The following ANKRD18A variants were observed in gnomAD, a reference collection of about 807,000 sequenced individuals.
The protein encoded by ANKRD18A is ankyrin repeat domain 18A.
ANKRD18A carries 72 observed loss-of-function variants against 110.6 expected under a neutral mutation model. The ratio of observed to expected loss-of-function variants is 0.65; its 90% confidence interval spans 0.54 to 0.79. The LOEUF is 0.79. Ranked by LOEUF, ANKRD18A falls within the 30% of genes least tolerant of loss-of-function variation. ANKRD18A has a pLI of 0.00. For synonymous variants in ANKRD18A, 305 were observed against 410.3 expected (o/e 0.74, Z 3.10); for missense variants, 934 against 1,163.3 (o/e 0.80, Z 2.87).
At chr9:38,576,133 TG>T (rs1462538115) in intron 14 of ANKRD18A, among the ~76,000 whole-genome samples, 5 of 152,248 alleles carry the variant, frequency 3.3e-5, no homozygotes, top group Non-Finnish European at 7.3e-5. Context: ...GAAAACATCA[TG>T]TTGTACTCCT....
chr9:38,571,375 T>A lies in ANKRD18A; in HGVS notation c.*670A>T, dbSNP rs547698016. The A allele has an allele frequency of 1.5e-5, 11 of 732,082 alleles. No homozygotes were observed. The highest frequency in any genetic ancestry group is 2.1e-5 in the Non-Finnish European group (11 of 516,116). 45.3% of individuals were successfully genotyped at this position (732,082 alleles called of 1,614,324 possible). A position where few individuals can be genotyped will look rare whatever the true frequency, so the allele number is the denominator to read the frequency against. ...TCATGAGCTTTCCCTTCTCCTTTATTTATTGGTTTTATTTCTCCATGTAGA... is the reference window on the plus strand; with the variant it reads ...TCATGAGCTTTCCCTTCTCCTTTATATATTGGTTTTATTTCTCCATGTAGA... On this transcript the variant is annotated 3_prime_UTR_variant, in exon 16 of 16. Transcript: ENST00000399703.
At chr9:38,587,088 A>G (rs1398165308) in intron 11 of ANKRD18A, among the ~76,000 whole-genome samples, 1 of 152,216 alleles carries the variant, frequency 6.6e-6, no homozygotes, top group Non-Finnish European at 1.5e-5. Context: ...CAAGGACATT[A>G]TTCAATGTAG....
At chr9:38,605,624 G>T (rs1190429521) in intron 6 of ANKRD18A, among the ~76,000 whole-genome samples, 1 of 151,676 alleles carries the variant, frequency 6.6e-6, no homozygotes, top group Non-Finnish European at 1.5e-5. Context: ...ACAGAGTATG[G>T]TTTTTTTTGA....
chr9:38,572,093 C>CGTTTTAGG, intron 15 of ANKRD18A, 34 bp from the exon 16 acceptor site: 1 of 1,484,286 alleles, frequency 6.7e-7, no homozygotes, highest in East Asian at 2.4e-5. Context: ...TGTTCTTTAC[C>CGTTTTAGG]TAAAACATTT....
intron 13 of ANKRD18A, 71 bp downstream of exon 13, chr9:38,577,796 C>G: frequency 1.3e-6 from 2 of 1,483,682 alleles, no homozygotes; most frequent in Admixed American, 5.2e-5. Context: ...ATATACATAT[C>G]CAAAATATAG....
At position 38,578,030 on chromosome 9, in the gene ANKRD18A, T is replaced by C. The variant is rs764453639; in HGVS notation, c.2366A>G (p.Glu789Gly). Residue 789 changes from glutamate (E) to glycine (G), a missense_variant, in exon 13 of 16, where the codon GAA (glutamate) becomes GGA (glycine). Physicochemically the swap from Glu to Gly is moderately conservative, Grantham distance 98. This residue lies in a region of ANKRD18A where 79 missense variants were observed against 122.8 expected (regional missense o/e 0.64). Coordinates refer to ENST00000399703, the MANE Select transcript of ANKRD18A (RefSeq NM_147195.4). ...LSMRNVQEKC[E>G]KLEKDKKMLE... Reference sequence around the variant, plus strand: ...CATCTTTTTATCCTTCTCAAGTTTTTCACATTTCTCTTGTACATTTCTCAT... The same window carrying C: ...CATCTTTTTATCCTTCTCAAGTTTTCCACATTTCTCTTGTACATTTCTCAT... 1.8e-4 allele frequency: 272 copies of C among 1,553,064 alleles called. No homozygotes were observed. Among genetic ancestry groups the C allele is most frequent in the Non-Finnish European group, 2.0e-4 (234 of 1,147,274 alleles).
At chr9:38,590,221 T>C (rs1278436737) in intron 10 of ANKRD18A, among the ~76,000 whole-genome samples, 2 of 151,938 alleles carry the variant, frequency 1.3e-5, no homozygotes, top group Non-Finnish European at 2.9e-5. Flanking sequence ...TCTTCTTTTT[T>C]GTACCAGTAT....
intron 3 of ANKRD18A, among the ~76,000 whole-genome samples, chr9:38,612,573 A>G (rs1398567278): frequency 1.4e-5 from 2 of 141,346 alleles, no homozygotes; most frequent in Non-Finnish European, 3.0e-5. Flanking sequence ...GCTGCAGTGC[A>G]GTGGCATGAT....
chr9:38,594,059 T>C (rs1357155894), intron 9 of ANKRD18A, 150 bp from the exon 10 acceptor site: 6 of 875,810 alleles, frequency 6.9e-6, no homozygotes, highest in Non-Finnish European at 9.7e-6. Flanking sequence ...TCTTTATTAC[T>C]GAATTCAGTG....
intron 8 of ANKRD18A, among the ~76,000 whole-genome samples, chr9:38,600,444 C>T (rs1825070683): frequency 6.6e-6 from 1 of 152,184 alleles, no homozygotes; most frequent in South Asian, 2.1e-4. Context: ...ATAGTGTTAT[C>T]TAGATAGGTT....
At chr9:38,612,676 C>A (rs565425263) in intron 3 of ANKRD18A, among the ~76,000 whole-genome samples, 23 of 152,144 alleles carry the variant, frequency 1.5e-4, no homozygotes, top group African/African-American at 4.6e-4. Context: ...TGCCACCACA[C>A]CTGGCTAACT....
chr9:38,620,132 G>A lies in ANKRD18A; in HGVS notation c.154C>T (p.Arg52Cys), dbSNP rs1417031291. 1 of 1,569,370 alleles carries A rather than the reference G, an allele frequency of 6.4e-7. No homozygotes were observed. The highest frequency in any genetic ancestry group is 1.9e-5 in the Admixed American group (1 of 52,776). ...TCCCGGAACCTGCGCGTCAGGCAGC[G>A]CTCCACCTCCGCGGCGTCGCCCTTG... ...AIKGDAAEVE[R>C]CLTRRFRDLD... Residue 52 changes from arginine (R) to cysteine (C), a missense_variant, in exon 1 of 16, where the codon CGC (arginine) becomes TGC (cysteine). Arg to Cys is a radical substitution (Grantham distance 180). Coordinates refer to ENST00000399703, the MANE Select transcript of ANKRD18A (RefSeq NM_147195.4).
At chr9:38,603,249 G>C in intron 6 of ANKRD18A, 37 bp from the exon 7 acceptor site, 1 of 1,550,274 alleles carries the variant, frequency 6.5e-7, no homozygotes, top group East Asian at 2.4e-5. Flanking sequence ...ATTCCTTCTG[G>C]AAAACATCAT....
In ANKRD18A at chr9:38,575,597, A is replaced by G. The variant is rs1823850715; in HGVS notation, c.2843T>C (p.Leu948Ser). Residue 948 changes from leucine (L) to serine (S), a missense_variant, in exon 15 of 16, where the codon TTA becomes TCA. By Grantham distance (145) the Leu-to-Ser change is moderately radical. Around this residue, in one of 4 missense-constraint regions of ANKRD18A, gnomAD observed 223 missense variants for 226.7 expected, o/e 0.98. Transcript: ENST00000399703. Reference protein sequence around the residue: ...STLPTRPEPELPCVENLNSIE... With the variant: ...STLPTRPEPESPCVENLNSIE... ...ACTATTAAGATTTTCAACACAAGGTAACTCTGGTTCTGGCCTTGTAGGAAG... is the reference window on the plus strand; with the variant it reads ...ACTATTAAGATTTTCAACACAAGGTGACTCTGGTTCTGGCCTTGTAGGAAG... The G allele has an allele frequency of 1.3e-6, 2 of 1,551,648 alleles. No homozygotes were observed. The highest frequency in any genetic ancestry group is 1.7e-6 in the Non-Finnish European group (2 of 1,146,842).
chr9:38,606,301 GT>G (rs34294969), intron 6 of ANKRD18A, among the ~76,000 whole-genome samples: 37,510 of 152,038 alleles, frequency 0.25, 5,090 homozygotes, highest in East Asian at 0.43. Context: ...AACAACAAGA[GT>G]TTGAACTGCA....
chr9:38,568,633 G>A, downstream of ANKRD18A: 3 of 763,548 alleles, frequency 3.9e-6, no homozygotes, highest in Non-Finnish European at 4.8e-6. Flanking sequence ...CCTTGCAGAG[G>A]TGGCTGGTTG....
At chr9:38,590,119 C>T (rs148450389) in intron 10 of ANKRD18A, among the ~76,000 whole-genome samples, 56 of 152,236 alleles carry the variant, frequency 3.7e-4, no homozygotes, top group Non-Finnish European at 7.5e-4. Context: ...TTAGGATATT[C>T]ACCAGTATAC....
At chr9:38,597,324 G>C (rs1824928808) in intron 8 of ANKRD18A, among the ~76,000 whole-genome samples, 1 of 152,102 alleles carries the variant, frequency 6.6e-6, no homozygotes. Flanking sequence ...AAAAAGTGAA[G>C]GTGCTCATTG....
intron 5 of ANKRD18A, among the ~76,000 whole-genome samples, chr9:38,608,021 T>C (rs1825435613): frequency 6.6e-6 from 1 of 152,234 alleles, no homozygotes; most frequent in Admixed American, 6.5e-5. Flanking sequence ...GTTTCTAATA[T>C]TCGAATGTCA....
Sources: allele counts gnomAD v4.1 joint callset (sites outside exome capture counted in the v4.1 genomes callset), GRCh38; gene constraint gnomAD v4.1.1; regional missense constraint gnomAD v4.1.1; transcripts MANE v1.5; gene names NCBI Gene and HGNC (gene_info 2026-07-23, HGNC 2026-07-21).